Variants in GRPEL2 observed in about 807,000 individuals in gnomAD.
GRPEL2 encodes the protein grpE protein homolog 2, mitochondrial.
GRPEL2 carries 18 observed loss-of-function variants against 25.9 expected under a neutral mutation model. That is an observed-to-expected ratio of 0.70 (90% CI 0.48 to 1.03). The LOEUF (loss-of-function observed/expected upper bound fraction) is 1.03. Ranked by LOEUF, GRPEL2 falls within the 50% of genes least tolerant of loss-of-function variation. The pLI is 0.00. For missense variants in GRPEL2, 247 were observed against 276.2 expected, an observed-to-expected ratio of 0.89 and a Z score of 0.75; for synonymous variants, 106 against 107.9, an observed-to-expected ratio of 0.98 and a Z score of 0.11.
chr5:149,347,982 T>G, intron 1 of GRPEL2: 1 of 251,458 alleles, frequency 4.0e-6, no homozygotes. Context: ...ACCAACTATG[T>G]GATCTTGAGC....
At chr5:149,346,734 T>C in intron 1 of GRPEL2, among the ~76,000 whole-genome samples, 1 of 109,014 alleles carries the variant, frequency 9.2e-6, no homozygotes, top group Non-Finnish European at 1.9e-5. Flanking sequence ...TTTTTTTTTT[T>C]TTTTTTTTTT....
intron 3 of GRPEL2, among the ~76,000 whole-genome samples, chr5:149,350,297 T>A (rs184834633): frequency 3.7e-4 from 57 of 152,350 alleles, no homozygotes; most frequent in Non-Finnish European, 7.5e-4. Context: ...ACTTTTGTCT[T>A]GTAACAGTTC....
chr5:149,351,164 G>A lies in GRPEL2; in HGVS notation c.560G>A (p.Gly187Asp). ...EHELICHVPA[G>D]VGVQPGTVAL... is the part of the protein sequence containing the mutation. ...GAACTCATCTGTCATGTGCCAGCTG[G>A]TGTTGGGGTGCAGCCTGGCACCGTG... is the stretch of plus-strand genomic sequence containing the variant. Residue 187 changes from glycine (G) to aspartate (D), a missense_variant, in exon 4 of 4, where the codon GGT becomes GAT. This residue lies in a region of GRPEL2 where 122 missense variants were observed against 169.2 expected (regional missense o/e 0.72). Coordinates refer to ENST00000329271, the MANE Select transcript of GRPEL2 (RefSeq NM_152407.4). 1 of 1,614,150 alleles carries A rather than the reference G, an allele frequency of 6.2e-7. No homozygotes were observed. Among genetic ancestry groups the A allele is most frequent in the Non-Finnish European group, 8.5e-7 (1 of 1,180,030 alleles).
In GRPEL2 at chr5:149,345,523, C is replaced by T; in HGVS notation, c.-17C>T. ...CAGCAAGTGCGCGTGCGCTGCCTCT[C>T]AGCCCAAATTGGAAACATGGCCGTA... On this transcript the variant is annotated 5_prime_UTR_variant, in exon 1 of 4. Transcript: ENST00000329271. 3.7e-6 allele frequency: 6 copies of T among 1,607,538 alleles called. No homozygotes were observed. Among genetic ancestry groups the T allele is most frequent in the Non-Finnish European group, 5.1e-6 (6 of 1,177,142 alleles).
chr5:149,353,257 T>C lies in GRPEL2; in HGVS notation c.*1975T>C, dbSNP rs1335315571. On this transcript the variant is annotated 3_prime_UTR_variant, in exon 4 of 4. Coordinates refer to ENST00000329271, the MANE Select transcript of GRPEL2 (RefSeq NM_152407.4). ...TTCCACTAAGTATATATTGTAAATT[T>C]AATGAACAATCAAGGTTCACAATAG... 1 of 152,668 alleles carries C rather than the reference T, an allele frequency of 6.6e-6. No homozygotes were observed. 9.5% of individuals were successfully genotyped at this position (152,668 alleles called of 1,614,324 possible). A position where few individuals can be genotyped will look rare whatever the true frequency, so the allele number is the denominator to read the frequency against.
rs1468265502 is a variant in GRPEL2, at chr5:149,352,829, G to A, written c.*1547G>A. The A allele has an allele frequency of 1.4e-4, 21 of 152,084 alleles. No homozygotes were observed. Among genetic ancestry groups the A allele is most frequent in the Admixed American group, 1.4e-3 (21 of 15,270 alleles). The allele number at this position is 152,084 out of a possible 1,614,324, so 9.4% of individuals were successfully genotyped here. A position where few individuals can be genotyped will look rare whatever the true frequency, so the allele number is the denominator to read the frequency against. ...AACTATTGACTAAATTCCAGTGAGA[G>A]TATGAATGAAGAACAACTAGATATT... On this transcript the variant is annotated 3_prime_UTR_variant, in exon 4 of 4. Coordinates refer to ENST00000329271, the MANE Select transcript of GRPEL2 (RefSeq NM_152407.4).
In GRPEL2 at chr5:149,345,580, A is replaced by G. The variant is rs1757673432; in HGVS notation, c.41A>G (p.Gln14Arg). 4 of 1,612,066 alleles carry G rather than the reference A, an allele frequency of 2.5e-6. No homozygotes were observed. The highest frequency in any genetic ancestry group is 1.7e-6 in the Non-Finnish European group (2 of 1,179,364). Reference sequence around the variant, plus strand: ...CTGTGGGCGGGCCGGCTGCGGGTGCAGCGCCTACTGGCCTGGAGTGCCGCG... The same window carrying G: ...CTGTGGGCGGGCCGGCTGCGGGTGCGGCGCCTACTGGCCTGGAGTGCCGCG... ...RSLWAGRLRV[Q>R]RLLAWSAAWE... Residue 14 changes from glutamine (Q) to arginine (R), a missense_variant, in exon 1 of 4, where the codon CAG becomes CGG. By Grantham distance (43) the Gln-to-Arg change is conservative. Coordinates refer to ENST00000329271, the MANE Select transcript of GRPEL2 (RefSeq NM_152407.4).
rs534095136 is a variant in GRPEL2 at position 149,353,116 on chromosome 5, G to C, written c.*1834G>C. ...AACTTATCAATAAAGCCATCTCCTT[G>C]TGGGCCTTACCATCTTCATCAGATT... On this transcript the variant is annotated 3_prime_UTR_variant, in exon 4 of 4. Transcript: ENST00000329271. 2 of 152,732 alleles carry C rather than the reference G, an allele frequency of 1.3e-5. No individual in the cohort carries two copies. Among genetic ancestry groups the C allele is most frequent in the South Asian group, 2.1e-4 (1 of 4,832 alleles). 9.5% of individuals were successfully genotyped at this position (152,732 alleles called of 1,614,324 possible).
At chr5:149,350,259 G>A (rs1168078273) in intron 3 of GRPEL2, among the ~76,000 whole-genome samples, 5 of 152,160 alleles carry the variant, frequency 3.3e-5, no homozygotes, top group South Asian at 2.1e-4. Flanking sequence ...AGAATTGAGC[G>A]TAATGGGATT....
intron 1 of GRPEL2, among the ~76,000 whole-genome samples, chr5:149,347,125 A>C (rs1222573638): frequency 6.6e-6 from 1 of 152,176 alleles, no homozygotes; most frequent in East Asian, 1.9e-4. Context: ...TACGGTGACC[A>C]TATTTTCTGA....
Position 149,351,400 on chromosome 5 carries a change from CAT to C in GRPEL2, c.*121_*122del, listed in dbSNP as rs1287102754. 4.0e-5 allele frequency: 44 copies of C among 1,106,826 alleles called. 1 individual carries two copies. The East Asian group carries it at 9.4e-4, about 24-fold the overall frequency. 68.6% of individuals were successfully genotyped at this position (1,106,826 alleles called of 1,614,324 possible). ...TCATGTGATATGTTTTGGATTTAGT[CAT>C]ATTGGCTTTATTTCTAAGATATTCT... On this transcript the variant is annotated 3_prime_UTR_variant, in exon 4 of 4. Transcript: ENST00000329271.
chr5:149,353,887 AC>A lies in GRPEL2; in HGVS notation c.*2607del, dbSNP rs1225526643. On this transcript the variant is annotated 3_prime_UTR_variant, in exon 4 of 4. Transcript: ENST00000329271. ...CTCAGTCACCTGCAGGACTTTAGGCACCAGTGATTTCACCCTTCTGAGCCTG... is the reference window on the plus strand; with the variant it reads ...CTCAGTCACCTGCAGGACTTTAGGCACAGTGATTTCACCCTTCTGAGCCTG... 1 of 152,212 alleles carries A rather than the reference AC, an allele frequency of 6.6e-6. No homozygotes were observed. Among genetic ancestry groups the A allele is most frequent in the Non-Finnish European group, 1.5e-5 (1 of 68,024 alleles). 9.4% of individuals were successfully genotyped at this position (152,212 alleles called of 1,614,324 possible).
At chr5:149,346,946 C>T (rs1271449538) in intron 1 of GRPEL2, among the ~76,000 whole-genome samples, 1 of 151,830 alleles carries the variant, frequency 6.6e-6, no homozygotes, top group East Asian at 1.9e-4. Flanking sequence ...ACCGTGGTCT[C>T]GATCTCCTGA....
At chr5:149,346,927 C>T (rs1757700141) in intron 1 of GRPEL2, among the ~76,000 whole-genome samples, 1 of 151,704 alleles carries the variant, frequency 6.6e-6, no homozygotes, top group Non-Finnish European at 1.5e-5. Context: ...TTAGTAGAGA[C>T]GGGGTTTCAC....
rs1355125673 is a variant in GRPEL2 at position 149,351,489 on chromosome 5, G to GTT, written c.*208_*209insTT. ...TCTTACCATTGGGCATTTGAACAGT[G>GTT]TGACAGGTGTTCCAATGGCCTTTAT... On this transcript the variant is annotated 3_prime_UTR_variant, in exon 4 of 4. Transcript: ENST00000329271. The GTT allele has an allele frequency of 2.0e-6, 1 of 512,594 alleles. No homozygotes were observed. The highest frequency in any genetic ancestry group is 1.9e-5 in the African/African-American group (1 of 52,660). 31.8% of individuals were successfully genotyped at this position (512,594 alleles called of 1,614,324 possible). A position where few individuals can be genotyped will look rare whatever the true frequency, so the allele number is the denominator to read the frequency against.
chr5:149,346,179 GTT>G (rs1447000346), intron 1 of GRPEL2, among the ~76,000 whole-genome samples: 2 of 152,224 alleles, frequency 1.3e-5, no homozygotes, highest in African/African-American at 4.8e-5. Context: ...GGAAAGTGAG[GTT>G]TAGAAAAGTT....
At chr5:149,350,094 G>C (rs1039041469) in intron 3 of GRPEL2, among the ~76,000 whole-genome samples, 1 of 152,110 alleles carries the variant, frequency 6.6e-6, no homozygotes, top group Non-Finnish European at 1.5e-5. Flanking sequence ...GACCTAGCCT[G>C]TTTTGACACA....
chr5:149,349,796 T>TC (rs1242433874), intron 3 of GRPEL2, 61 bp downstream of exon 3: 2 of 1,224,734 alleles, frequency 1.6e-6, no homozygotes. Flanking sequence ...ATGCCTGTAA[T>TC]CCCAGCACTT....
rs777800773 is a variant in GRPEL2 at position 149,345,519 on chromosome 5, C to T, written c.-21C>T. ...CTCGCAGCAAGTGCGCGTGCGCTGC[C>T]TCTCAGCCCAAATTGGAAACATGGC... On this transcript the variant is annotated 5_prime_UTR_variant, in exon 1 of 4. Coordinates refer to ENST00000329271, the MANE Select transcript of GRPEL2 (RefSeq NM_152407.4). 6 of 1,605,076 alleles carry T rather than the reference C, an allele frequency of 3.7e-6. No homozygotes were observed. The highest frequency in any genetic ancestry group is 1.3e-5 in the African/African-American group (1 of 74,826).
Sources: gnomAD v4.1 joint callset for allele counts (sites outside exome capture counted in the v4.1 genomes callset) on GRCh38, gnomAD v4.1.1 for gene constraint, gnomAD v4.1.1 regional missense constraint, MANE v1.5 for transcripts, NCBI Gene and HGNC (gene_info 2026-07-23, HGNC 2026-07-21) for gene names.